The following SPAG16 variants were observed in gnomAD, a reference collection of about 807,000 sequenced individuals.
SPAG16 encodes the protein sperm associated antigen 16.
Under a neutral mutation model 80.4 loss-of-function variants are expected in SPAG16, and 86 were observed. The ratio of observed to expected loss-of-function variants is 1.07; its 90% CI spans 0.90 to 1.28. The LOEUF (loss-of-function observed/expected upper bound fraction) is 1.28, where lower values mean the gene tolerates loss of function less well. Ranked by LOEUF, SPAG16 falls within the 50% of genes most tolerant of loss-of-function variation. The probability of loss-of-function intolerance (pLI) is 0.00; values close to 1 mark genes in which losing one functional copy is unlikely to be tolerated. For missense variants in SPAG16, 870 were observed against 765.3 expected, an observed-to-expected ratio of 1.14 and a Z score of -1.61; for synonymous variants, 294 against 265.9, an observed-to-expected ratio of 1.11 and a Z score of -1.03.
chr2:214,315,649 A>G (rs1261783203), intron 15 of SPAG16, among the ~76,000 whole-genome samples: 1 of 152,062 alleles, frequency 6.6e-6, no homozygotes, highest in East Asian at 1.9e-4. Flanking sequence ...CTCCCACCTC[A>G]GTACTCTGAG....
chr2:213,606,128 T>A (rs1014714975), intron 10 of SPAG16, among the ~76,000 whole-genome samples: 2 of 152,192 alleles, frequency 1.3e-5, no homozygotes, highest in Admixed American at 6.5e-5. Flanking sequence ...TGTATCCAAG[T>A]AGTGGGTGTT....
chr2:213,981,394 T>C (rs1200277942), intron 12 of SPAG16, among the ~76,000 whole-genome samples: 1 of 152,222 alleles, frequency 6.6e-6, no homozygotes, highest in East Asian at 1.9e-4. Context: ...AATGGGGGTT[T>C]TGTTTCTTTA....
At chr2:213,648,372 ACT>A (rs1394541636) in intron 10 of SPAG16, among the ~76,000 whole-genome samples, 2 of 152,140 alleles carry the variant, frequency 1.3e-5, no homozygotes, top group Admixed American at 6.5e-5. Context: ...GTATAACAAA[ACT>A]CTATATTCAT....
At chr2:214,347,704 G>T (rs1698147143) in intron 15 of SPAG16, among the ~76,000 whole-genome samples, 1 of 152,214 alleles carries the variant, frequency 6.6e-6, no homozygotes, top group South Asian at 2.1e-4. Flanking sequence ...GTTTGTGAGT[G>T]AACTTTTTGT....
chr2:213,978,303 T>G (rs562111545), intron 12 of SPAG16, among the ~76,000 whole-genome samples: 35 of 152,108 alleles, frequency 2.3e-4, no homozygotes, highest in Non-Finnish European at 4.6e-4. Context: ...TCCACATCAC[T>G]GCAAGTAACA....
At chr2:213,580,262 C>A (rs1159612090) in intron 10 of SPAG16, among the ~76,000 whole-genome samples, 1 of 152,120 alleles carries the variant, frequency 6.6e-6, no homozygotes, top group Non-Finnish European at 1.5e-5. Flanking sequence ...CCTTGTCCAT[C>A]ATACTTCTCC....
At chr2:213,470,539 C>T (rs2125655505) in intron 9 of SPAG16, among the ~76,000 whole-genome samples, 1 of 152,272 alleles carries the variant, frequency 6.6e-6, no homozygotes, top group Middle Eastern at 3.4e-3. Context: ...TGGTTGATCA[C>T]CCTGAGGAAT....
chr2:214,331,776 G>A (rs1447648677), intron 15 of SPAG16, among the ~76,000 whole-genome samples: 1 of 152,316 alleles, frequency 6.6e-6, no homozygotes, highest in East Asian at 1.9e-4. Flanking sequence ...TGTGAAGAAG[G>A]TCTCTAGGTC....
At chr2:214,292,221 G>A (rs1490852967) in intron 15 of SPAG16, among the ~76,000 whole-genome samples, 6 of 152,122 alleles carry the variant, frequency 3.9e-5, no homozygotes, top group Non-Finnish European at 8.8e-5. Context: ...ATAATATGCT[G>A]TGGATAATTT....
chr2:213,517,559 A>G (rs2125835382), intron 10 of SPAG16, among the ~76,000 whole-genome samples: 1 of 152,336 alleles, frequency 6.6e-6, no homozygotes, highest in Non-Finnish European at 1.5e-5. Context: ...ATTTCAAACT[A>G]TATTATAAGG....
At chr2:213,308,437 G>C (rs1552538) in intron 3 of SPAG16, among the ~76,000 whole-genome samples, 1 of 151,888 alleles carries the variant, frequency 6.6e-6, no homozygotes, top group Non-Finnish European at 1.5e-5. Flanking sequence ...TTTTTTTTCA[G>C]ATGTTGGAAT....
intron 10 of SPAG16, among the ~76,000 whole-genome samples, chr2:213,762,950 A>C (rs1400641416): frequency 6.6e-6 from 1 of 152,182 alleles, no homozygotes; most frequent in Non-Finnish European, 1.5e-5. Context: ...AAAAAACCAA[A>C]TAACCTTATT....
chr2:213,709,810 C>A (rs1407829955), intron 10 of SPAG16, among the ~76,000 whole-genome samples: 1 of 152,154 alleles, frequency 6.6e-6, no homozygotes, highest in African/African-American at 2.4e-5. Context: ...TATTTGATTT[C>A]ATAATGTTTA....
At chr2:213,886,094 T>C (rs2076544016) in intron 11 of SPAG16, among the ~76,000 whole-genome samples, 1 of 152,086 alleles carries the variant, frequency 6.6e-6, no homozygotes, top group South Asian at 2.1e-4. Context: ...CCTGTTTTGG[T>C]TTTTCGTGAC....
At chr2:214,250,795 C>T (rs1043480676) in intron 15 of SPAG16, among the ~76,000 whole-genome samples, 3 of 108,482 alleles carry the variant, frequency 2.8e-5, no homozygotes, top group South Asian at 6.7e-4. Context: ...GAGAGTCAAA[C>T]TTTTAAGTTT....
At chr2:213,876,376 GTTAC>G (rs964131770) in intron 11 of SPAG16, among the ~76,000 whole-genome samples, 4 of 150,776 alleles carry the variant, frequency 2.7e-5, no homozygotes, top group Admixed American at 2.0e-4. Flanking sequence ...TATCTTGGCT[GTTAC>G]TTACACATTG....
intron 9 of SPAG16, among the ~76,000 whole-genome samples, chr2:213,399,306 A>G (rs555214673): frequency 1.3e-5 from 2 of 152,132 alleles, no homozygotes; most frequent in African/African-American, 4.8e-5. Flanking sequence ...TTTGATATTT[A>G]AAGTTTGTGT....
chr2:214,027,484 G>C lies in SPAG16; in HGVS notation c.1527+13407G>C, dbSNP rs183250321. On this transcript the variant is annotated intron_variant, in intron 13 of 15. Transcript: ENST00000331683. ...CTTGCAGGTTTATTTTTTCACATTT[G>C]TCAGTTCTTTTCATTGAGATACATT... Among the ~76,000 whole-genome samples the C allele has an allele frequency of 4.6e-5, 7 of 151,616 alleles. No homozygotes were observed. In the East Asian group the frequency reaches 1.4e-3, roughly 29 times the overall value.
intron 14 of SPAG16, among the ~76,000 whole-genome samples, chr2:214,148,444 C>T (rs2372224): frequency 0.98 from 148,814 of 152,206 alleles, 72,824 homozygotes; most frequent in East Asian, 1. Flanking sequence ...TTTCCTTCCC[C>T]TTTATCCAAT....
Sources: allele counts gnomAD v4.1 joint callset (sites outside exome capture counted in the v4.1 genomes callset), GRCh38; gene constraint gnomAD v4.1.1; transcripts MANE v1.5; gene names NCBI Gene and HGNC (gene_info 2026-07-23, HGNC 2026-07-21).